The following SDK1 variants were observed in gnomAD, a reference collection of about 807,000 sequenced individuals.
SDK1 encodes the protein sidekick cell adhesion molecule 1.
In SDK1, 157 loss-of-function variants were observed where a neutral mutation model predicts 245.5. That is an observed-to-expected ratio of 0.64 (90% confidence interval 0.56 to 0.73). SDK1 has a LOEUF of 0.73. Ranked by LOEUF, SDK1 falls within the 30% of genes least tolerant of loss-of-function variation. The pLI is 0.00. For synonymous variants in SDK1, 1,647 were observed against 1,278.5 expected (o/e 1.29, Z -6.15); for missense variants, 3,583 against 3,002.3 (o/e 1.19, Z -4.52).
At chr7:3,501,483 A>T (rs1005972189) in intron 1 of SDK1, among the ~76,000 whole-genome samples, 6 of 152,044 alleles carry the variant, frequency 3.9e-5, no homozygotes, top group African/African-American at 1.4e-4. Flanking sequence ...TGTGGAATTT[A>T]TGACATTGAT....
chr7:3,978,274 A>G (rs1406850364), intron 13 of SDK1, among the ~76,000 whole-genome samples: 2 of 152,198 alleles, frequency 1.3e-5, no homozygotes, highest in East Asian at 3.9e-4. Context: ...TACTTCCAAT[A>G]TAGCCCATTC....
chr7:3,487,770 A>AAAAAG (rs1554278854), intron 1 of SDK1, among the ~76,000 whole-genome samples: 13 of 151,362 alleles, frequency 8.6e-5, no homozygotes, highest in Non-Finnish European at 1.9e-4. Flanking sequence ...AAAAAAAAAA[A>AAAAAG]AAAAAAGAAA....
At chr7:3,333,628 C>G (rs1456541433) in intron 1 of SDK1, among the ~76,000 whole-genome samples, 5 of 152,140 alleles carry the variant, frequency 3.3e-5, no homozygotes, top group African/African-American at 1.2e-4. Flanking sequence ...CATGCATACC[C>G]CTAACCTAGC....
At chr7:3,471,366 C>G (rs768465783) in intron 1 of SDK1, among the ~76,000 whole-genome samples, 2 of 152,102 alleles carry the variant, frequency 1.3e-5, no homozygotes, top group African/African-American at 2.4e-5. Flanking sequence ...TATTAGGAAT[C>G]TAGATTATTT....
chr7:4,097,109 T>G (rs1300357673), intron 22 of SDK1, among the ~76,000 whole-genome samples: 1 of 152,230 alleles, frequency 6.6e-6, no homozygotes, highest in Non-Finnish European at 1.5e-5. Flanking sequence ...GTTCCCAGGC[T>G]TCACCCAGCT....
chr7:3,943,565 G>A (rs533877406), intron 5 of SDK1, among the ~76,000 whole-genome samples: 2 of 150,396 alleles, frequency 1.3e-5, no homozygotes, highest in South Asian at 2.1e-4. Context: ...TGTTCCTAGC[G>A]CGGAGGCTCC....
At chr7:4,065,870 T>C (rs1583999464) in intron 19 of SDK1, among the ~76,000 whole-genome samples, 1 of 152,076 alleles carries the variant, frequency 6.6e-6, no homozygotes, top group South Asian at 2.1e-4. Context: ...ACAGGGACTT[T>C]GCAGGGGTGA....
rs149762270 is a variant in SDK1 at position 3,668,730 on chromosome 7, G to T, written c.713+26625G>T. Among the ~76,000 whole-genome samples, 908 of 152,336 alleles carry T rather than the reference G, an allele frequency of 6.0e-3. 8 individuals carry two copies. The highest frequency in any genetic ancestry group is 0.019 in the African/African-American group (803 of 41,570). ...CACTTGAACCTGGGAGGCGGAGTTT[G>T]CAGTGAGCCAAGATGGCGCCATTGC... On this transcript the variant is annotated intron_variant, in intron 4 of 44. Transcript: ENST00000404826.
intron 14 of SDK1, among the ~76,000 whole-genome samples, chr7:4,009,496 T>C (rs897626510): frequency 2.6e-5 from 4 of 152,172 alleles, no homozygotes; most frequent in Non-Finnish European, 5.9e-5. Context: ...TGTAGGTAAC[T>C]GGGAATGCGC....
At position 3,633,441 on chromosome 7, in the gene SDK1, C is replaced by T. The variant is rs10269565; in HGVS notation, c.459-5563C>T. Among the ~76,000 whole-genome samples, 304 of 152,180 alleles carry T rather than the reference C, an allele frequency of 2.0e-3. 1 individual carries two copies. Among genetic ancestry groups the T allele is most frequent in the African/African-American group, 6.6e-3 (273 of 41,504 alleles). ...GCAGTGCTTGGAAAGGACTGCTGAACAGTATTCTAAAATAGTATTTTGTTA... is the reference window on the plus strand; with the variant it reads ...GCAGTGCTTGGAAAGGACTGCTGAATAGTATTCTAAAATAGTATTTTGTTA... On this transcript the variant is annotated intron_variant, in intron 2 of 44. Transcript: ENST00000404826.
intron 4 of SDK1, among the ~76,000 whole-genome samples, chr7:3,719,315 C>A (rs990073126): frequency 1.3e-5 from 2 of 148,996 alleles, no homozygotes; most frequent in Non-Finnish European, 3.0e-5. Flanking sequence ...GATGGCATAG[C>A]ACAGGACCTA....
Position 3,811,852 on chromosome 7 carries a change from C to G in SDK1, c.714-9598C>G, listed in dbSNP as rs900736470. ...TACCTTGTAGGCTAGAGAACTGGGTCTGTCTTGCTAATGTGATATCCCATC... is the reference window on the plus strand; with the variant it reads ...TACCTTGTAGGCTAGAGAACTGGGTGTGTCTTGCTAATGTGATATCCCATC... On this transcript the variant is annotated intron_variant, in intron 4 of 44. Coordinates refer to ENST00000404826, the MANE Select transcript of SDK1 (RefSeq NM_152744.4). 3.3e-5 allele frequency among the ~76,000 whole-genome samples: 5 copies of G among 152,338 alleles called. No homozygotes were observed. In the East Asian group the frequency reaches 9.6e-4, roughly 29 times the overall value.
At chr7:4,209,008 G>A (rs1456811239) in intron 37 of SDK1, among the ~76,000 whole-genome samples, 1 of 152,204 alleles carries the variant, frequency 6.6e-6, no homozygotes, top group Admixed American at 6.5e-5. Flanking sequence ...GGGAACCGTG[G>A]GCAGAGACGC....
intron 4 of SDK1, among the ~76,000 whole-genome samples, chr7:3,809,640 A>T (rs1033505660): frequency 6.6e-6 from 1 of 152,190 alleles, no homozygotes; most frequent in African/African-American, 2.4e-5. Flanking sequence ...CTCTGCTCAT[A>T]ATTTTCTAGT....
intron 4 of SDK1, among the ~76,000 whole-genome samples, chr7:3,650,592 C>G (rs2128655610): frequency 6.6e-6 from 1 of 152,292 alleles, no homozygotes; most frequent in South Asian, 2.1e-4. Flanking sequence ...TCTTGTTAAA[C>G]TGTGTTACGG....
intron 1 of SDK1, among the ~76,000 whole-genome samples, chr7:3,483,711 A>G (rs1781588913): frequency 6.6e-6 from 1 of 152,154 alleles, no homozygotes; most frequent in South Asian, 2.1e-4. Context: ...GAATTTGCTA[A>G]GCATTTTTGT....
chr7:3,892,938 A>T (rs573453708), intron 5 of SDK1, among the ~76,000 whole-genome samples: 113 of 152,280 alleles, frequency 7.4e-4, no homozygotes, highest in African/African-American at 2.7e-3. Flanking sequence ...GATCTCTGCC[A>T]GCGCACTTCA....
intron 4 of SDK1, among the ~76,000 whole-genome samples, chr7:3,753,827 T>C (rs17133785): frequency 6.6e-6 from 1 of 152,188 alleles, no homozygotes; most frequent in Non-Finnish European, 1.5e-5. Flanking sequence ...GTAGCTAGAA[T>C]TGAATACTTG....
intron 1 of SDK1, among the ~76,000 whole-genome samples, chr7:3,618,873 A>C (rs892455337): frequency 6.6e-6 from 1 of 152,226 alleles, no homozygotes; most frequent in Non-Finnish European, 1.5e-5. Flanking sequence ...TGCGGGTATC[A>C]TTGAGCTTTC....
Sources: allele counts gnomAD v4.1 joint callset (sites outside exome capture counted in the v4.1 genomes callset), GRCh38; gene constraint gnomAD v4.1.1; transcripts MANE v1.5; gene names NCBI Gene and HGNC (gene_info 2026-07-23, HGNC 2026-07-21).